The following NAV2 variants were observed in gnomAD, a reference collection of about 807,000 sequenced individuals.
The protein encoded by NAV2 is helicase, APC down-regulated 1.
Under a neutral mutation model 223.2 loss-of-function variants are expected in NAV2, and 54 were observed. The ratio of observed to expected loss-of-function variants is 0.24; its 90% CI spans 0.19 to 0.30. The LOEUF is 0.30. Among genes scored for constraint, NAV2 ranks in the 10% least tolerant of loss-of-function variants. The probability of loss-of-function intolerance (pLI) is 1.00; values close to 1 mark genes in which losing one functional copy is unlikely to be tolerated. For synonymous variants in NAV2, 1,279 were observed against 1,239.3 expected, an observed-to-expected ratio of 1.03 and a Z score of -0.67; for missense variants, 2,806 against 3,147.5, an observed-to-expected ratio of 0.89 and a Z score of 2.60.
intron 1 of NAV2, among the ~76,000 whole-genome samples, chr11:19,690,204 C>T (rs911163366): frequency 1.3e-5 from 2 of 152,164 alleles, no homozygotes; most frequent in African/African-American, 4.8e-5. Context: ...TTAGGTGATC[C>T]ACCCACCTCC....
chr11:19,531,795 A>G (rs1470380397), intron 1 of NAV2, among the ~76,000 whole-genome samples: 4 of 152,234 alleles, frequency 2.6e-5, no homozygotes, highest in African/African-American at 9.6e-5. Flanking sequence ...CAAAGAGGCC[A>G]CTGACTATAA....
At chr11:19,358,488 G>T (rs938325680) in intron 1 of NAV2, among the ~76,000 whole-genome samples, 1 of 152,142 alleles carries the variant, frequency 6.6e-6, no homozygotes, top group African/African-American at 2.4e-5. Flanking sequence ...TCCTTAAGCT[G>T]AGTAAGTAAA....
chr11:19,393,905 T>C (rs1350681030), intron 1 of NAV2, among the ~76,000 whole-genome samples: 1 of 143,456 alleles, frequency 7.0e-6, no homozygotes, highest in African/African-American at 2.6e-5. Flanking sequence ...GTTTTTTTTT[T>C]CTTTTTTTTT....
chr11:19,352,152 A>T (rs903406112), intron 1 of NAV2, among the ~76,000 whole-genome samples: 9 of 152,216 alleles, frequency 5.9e-5, no homozygotes, highest in Admixed American at 5.2e-4. Flanking sequence ...AAGAATGCCC[A>T]CTATCTTGGG....
intron 1 of NAV2, chr11:19,714,523 G>A (rs754467503): frequency 6.6e-6 from 3 of 455,286 alleles, no homozygotes; most frequent in South Asian, 1.6e-5. Flanking sequence ...ACGGGATTCC[G>A]GGCAAGGTGC....
intron 1 of NAV2, among the ~76,000 whole-genome samples, chr11:19,461,754 A>G (rs1852169279): frequency 6.6e-6 from 1 of 152,254 alleles, no homozygotes; most frequent in South Asian, 2.1e-4. Flanking sequence ...AAAATGGAGT[A>G]GCGAGTATCA....
intron 1 of NAV2, among the ~76,000 whole-genome samples, chr11:19,743,781 C>T (rs891082751): frequency 8.5e-5 from 13 of 152,236 alleles, no homozygotes; most frequent in African/African-American, 2.2e-4. Context: ...GCAGTCATCC[C>T]GGCAGCTTCT....
At chr11:19,419,365 T>C (rs1424944776) in intron 1 of NAV2, among the ~76,000 whole-genome samples, 1 of 152,166 alleles carries the variant, frequency 6.6e-6, no homozygotes, top group Non-Finnish European at 1.5e-5. Flanking sequence ...GAAACATGTC[T>C]GATATGGAGG....
At chr11:20,043,952 G>A (rs773582203) in intron 12 of NAV2, 29 bp from the exon 13 acceptor site, 3 of 1,598,058 alleles carry the variant, frequency 1.9e-6, no homozygotes, top group East Asian at 2.3e-5. Flanking sequence ...GACTGGGGAA[G>A]GACTAATTCA....
chr11:19,778,474 G>T (rs1339722444), intron 1 of NAV2: 1 of 354,350 alleles, frequency 2.8e-6, no homozygotes, highest in East Asian at 9.0e-5. Flanking sequence ...TTACTGGTGT[G>T]AGGTCTTTAA....
chr11:19,351,092 G>C lies in NAV2; in HGVS notation c.75+65G>C, dbSNP rs1048822305. ...CTGATTGCTAAGTGTGATTCAGAGA[G>C]CATAGGTGGTCATCATCGAGCATGC... On this transcript the variant is annotated intron_variant, in intron 1 of 37. Transcript: ENST00000360655. 1.4e-5 allele frequency: 20 copies of C among 1,437,278 alleles called. 1 individual carries two copies. The South Asian group carries it at 2.5e-4, about 18-fold the overall frequency. 89.0% of individuals were successfully genotyped at this position (1,437,278 alleles called of 1,614,324 possible).
chr11:20,038,661 G>T (rs1004936209), intron 12 of NAV2, among the ~76,000 whole-genome samples: 4 of 152,188 alleles, frequency 2.6e-5, no homozygotes, highest in African/African-American at 9.7e-5. Context: ...CTTCTATGCT[G>T]TGGCTCATTT....
intron 1 of NAV2, among the ~76,000 whole-genome samples, chr11:19,525,244 A>G (rs967567823): frequency 2.6e-5 from 4 of 152,246 alleles, no homozygotes; most frequent in Non-Finnish European, 4.4e-5. Flanking sequence ...GCCCAAGGAC[A>G]CATGGCAAGT....
chr11:19,617,597 A>G (rs2046837174), intron 1 of NAV2, among the ~76,000 whole-genome samples: 1 of 152,224 alleles, frequency 6.6e-6, no homozygotes, highest in Non-Finnish European at 1.5e-5. Flanking sequence ...TATGAAGAAG[A>G]TTAAATATGG....
At chr11:19,764,886 T>C (rs930327290) in intron 1 of NAV2, among the ~76,000 whole-genome samples, 3 of 152,184 alleles carry the variant, frequency 2.0e-5, no homozygotes, top group Non-Finnish European at 4.4e-5. Context: ...ACTAAAAACC[T>C]AAGAGTCATC....
chr11:19,608,466 CAG>C (rs2046541330), intron 1 of NAV2, among the ~76,000 whole-genome samples: 1 of 152,258 alleles, frequency 6.6e-6, no homozygotes, highest in Non-Finnish European at 1.5e-5. Flanking sequence ...AAGGGGCTTG[CAG>C]CCCAAGTCCA....
In NAV2 at chr11:19,705,695, C is replaced by T. The variant is rs143794892; in HGVS notation, c.76-126789C>T. On this transcript the variant is annotated intron_variant, in intron 1 of 37. Transcript: ENST00000360655. ...ACTTATCTCTTTAAAAAAAAAATAG[C>T]AATGTTCCCCCACCTAAAGAAAAAT... Among the ~76,000 whole-genome samples the T allele has an allele frequency of 3.6e-3, 546 of 152,174 alleles. 2 individuals are homozygous for T. The highest frequency in any genetic ancestry group is 0.013 in the African/African-American group (528 of 41,518).
intron 3 of NAV2, among the ~76,000 whole-genome samples, chr11:19,861,688 C>T (rs1010783425): frequency 2.6e-5 from 4 of 152,230 alleles, no homozygotes; most frequent in African/African-American, 9.6e-5. Context: ...CTAAATATCA[C>T]TCCTTAGCCC....
At chr11:20,084,572 A>G (rs1292367477) in intron 26 of NAV2, among the ~76,000 whole-genome samples, 1 of 152,000 alleles carries the variant, frequency 6.6e-6, no homozygotes, top group Non-Finnish European at 1.5e-5. Context: ...TGAATGGGGG[A>G]AGGAAGAAGG....
Sources: allele counts gnomAD v4.1 joint callset (sites outside exome capture counted in the v4.1 genomes callset), GRCh38; gene constraint gnomAD v4.1.1; transcripts MANE v1.5; gene names NCBI Gene and HGNC (gene_info 2026-07-23, HGNC 2026-07-21).